KCNIP1: variants seen among roughly 807,000 people sequenced by gnomAD.
The protein encoded by KCNIP1 is potassium voltage-gated channel interacting protein 1.
Under a neutral mutation model 33.0 loss-of-function variants are expected in KCNIP1, and 18 were observed. That is an observed-to-expected ratio of 0.55 (90% CI 0.38 to 0.81). The LOEUF is 0.81. Among genes scored for constraint, KCNIP1 ranks in the 30% least tolerant of loss-of-function variants. The probability of loss-of-function intolerance (pLI) is 0.00; values close to 1 mark genes in which losing one functional copy is unlikely to be tolerated. For missense variants in KCNIP1, 238 were observed against 271.6 expected, an observed-to-expected ratio of 0.88 and a Z score of 0.87; for synonymous variants, 93 against 98.3, an observed-to-expected ratio of 0.95 and a Z score of 0.32.
intron 1 of KCNIP1, among the ~76,000 whole-genome samples, chr5:170,494,082 C>T (rs1561650683): frequency 6.6e-6 from 1 of 152,200 alleles, no homozygotes; most frequent in Non-Finnish European, 1.5e-5. Flanking sequence ...GTGAGAAGCC[C>T]CAGTCTCAGG....
chr5:170,635,756 A>G (rs1760255429), intron 1 of KCNIP1, among the ~76,000 whole-genome samples: 1 of 152,228 alleles, frequency 6.6e-6, no homozygotes, highest in South Asian at 2.1e-4. Flanking sequence ...ATTAGGAGCT[A>G]TTGGAGGGTA....
At chr5:170,433,581 T>A (rs1755792176) in intron 1 of KCNIP1, among the ~76,000 whole-genome samples, 1 of 152,098 alleles carries the variant, frequency 6.6e-6, no homozygotes, top group South Asian at 2.1e-4. Context: ...CAATAGCCAT[T>A]AATAGCTATT....
In KCNIP1 at chr5:170,734,037, ACTGTGAAGTCCACAGTTCCACTCCTCAAC is replaced by A. The variant is rs1764299904; in HGVS notation, c.603+143_603+171del. ...ATCAGAGCCAACAACACCAGCAACA[ACTGTGAAGTCCACAGTTCCACTCCTCAAC>A]CTGACCTGCAGTTGGTCTTGGCTAA... is the stretch of plus-strand genomic sequence containing the variant. On this transcript the variant is annotated intron_variant, in intron 7 of 7. Coordinates refer to ENST00000328939, the MANE Select transcript of KCNIP1 (RefSeq NM_014592.4). The A allele has an allele frequency of 1.1e-5, 7 of 641,842 alleles. No individual in the cohort carries two copies. In the South Asian group the frequency reaches 1.4e-4, roughly 12 times the overall value. The allele number at this position is 641,842 out of a possible 1,614,324, so 39.8% of individuals were successfully genotyped here.
intron 1 of KCNIP1, among the ~76,000 whole-genome samples, chr5:170,455,186 T>G (rs759947760): frequency 1.3e-5 from 2 of 151,872 alleles, no homozygotes; most frequent in Non-Finnish European, 2.9e-5. Context: ...AACAAGAAAA[T>G]AGAATATTTT....
At chr5:170,382,311 G>A (rs1764275242) in intron 1 of KCNIP1, among the ~76,000 whole-genome samples, 1 of 152,322 alleles carries the variant, frequency 6.6e-6, no homozygotes, top group South Asian at 2.1e-4. Context: ...ACCTTGATAT[G>A]TCTAGTGTTG....
intron 1 of KCNIP1, among the ~76,000 whole-genome samples, chr5:170,509,377 T>A (rs59034172): frequency 0.37 from 56,751 of 151,754 alleles, 11,241 homozygotes; most frequent in African/African-American, 0.51. Flanking sequence ...TGGAAAAGAA[T>A]GGAAGACAGA....
intron 1 of KCNIP1, among the ~76,000 whole-genome samples, chr5:170,357,954 G>A (rs1204137597): frequency 2.0e-5 from 3 of 152,168 alleles, no homozygotes; most frequent in East Asian, 1.9e-4. Flanking sequence ...CCAGGTCCTC[G>A]CCTGCTGTTT....
At chr5:170,379,157 C>G (rs1350687670) in intron 1 of KCNIP1, among the ~76,000 whole-genome samples, 1 of 152,186 alleles carries the variant, frequency 6.6e-6, no homozygotes, top group Non-Finnish European at 1.5e-5. Flanking sequence ...TCATTTGTGT[C>G]TTGTGTGTGG....
chr5:170,597,811 ATATATAT>A (rs1160039407), intron 1 of KCNIP1, among the ~76,000 whole-genome samples: 59 of 7,980 alleles, frequency 7.4e-3, no homozygotes, highest in African/African-American at 0.014. Flanking sequence ...ATATATATAT[ATATATAT>A]ATATATATAT....
At chr5:170,445,312 G>C (rs900896295) in intron 1 of KCNIP1, among the ~76,000 whole-genome samples, 2 of 152,186 alleles carry the variant, frequency 1.3e-5, no homozygotes, top group Non-Finnish European at 2.9e-5. Context: ...TTGAATGAAT[G>C]AATGAATAGA....
chr5:170,401,344 C>T (rs1754896476), intron 1 of KCNIP1, among the ~76,000 whole-genome samples: 1 of 152,210 alleles, frequency 6.6e-6, no homozygotes, highest in Non-Finnish European at 1.5e-5. Context: ...CATTTACACT[C>T]AGAGTGAATA....
At chr5:170,498,620 C>T (rs760738589) in intron 1 of KCNIP1, among the ~76,000 whole-genome samples, 5 of 152,176 alleles carry the variant, frequency 3.3e-5, no homozygotes, top group Admixed American at 6.5e-5. Context: ...ACTCTTGCCT[C>T]TTCTTGCTCA....
At chr5:170,639,616 A>G (rs1000470208) in intron 1 of KCNIP1, 2 of 152,240 alleles carry the variant, frequency 1.3e-5, no homozygotes, top group African/African-American at 4.8e-5. Flanking sequence ...GTGAATATCC[A>G]TACCCAGCAA....
chr5:170,733,772 G>A lies in KCNIP1; in HGVS notation c.541-64G>A. ...TACTCTGAGCTCCAGCAAGAAAGCAGGGGAGTAAGCTTTGGAATGGAGATC... is the reference window on the plus strand; with the variant it reads ...TACTCTGAGCTCCAGCAAGAAAGCAAGGGAGTAAGCTTTGGAATGGAGATC... On this transcript the variant is annotated intron_variant, in intron 6 of 7. Transcript: ENST00000328939. 2.3e-6 allele frequency: 3 copies of A among 1,331,604 alleles called. No individual in the cohort carries two copies. In the South Asian group the frequency reaches 3.6e-5, roughly 16 times the overall value. 82.5% of individuals were successfully genotyped at this position (1,331,604 alleles called of 1,614,324 possible). A position where few individuals can be genotyped will look rare whatever the true frequency, so the allele number is the denominator to read the frequency against.
intron 1 of KCNIP1, among the ~76,000 whole-genome samples, chr5:170,445,125 C>T (rs764646020): frequency 2.0e-5 from 3 of 152,208 alleles, no homozygotes; most frequent in Non-Finnish European, 4.4e-5. Context: ...TGTGCCTGGC[C>T]GTCACTGGCC....
At position 170,732,845 on chromosome 5, in the gene KCNIP1, T is replaced by C; in HGVS notation, c.481T>C (p.Tyr161His). The change falls in exon 6 of 8, where the codon TAC becomes CAC. Residue 161 changes from tyrosine (Y) to histidine (H), a missense_variant. Physicochemically the swap from Tyr to His is moderately conservative, Grantham distance 83. Transcript: ENST00000328939. The stretch of plus-strand genomic sequence containing the variant: ...AGCCATCTATGACATGATGGGGAAA[T>C]ACACATATCCTGTGCTCAAAGAGGA... Reference protein sequence around the residue: ...VKAIYDMMGKYTYPVLKEDTP... With the variant: ...VKAIYDMMGKHTYPVLKEDTP... 6.2e-7 allele frequency: 1 copy of C among 1,613,736 alleles called. No homozygotes were observed. Among genetic ancestry groups the C allele is most frequent in the Non-Finnish European group, 8.5e-7 (1 of 1,179,782 alleles).
intron 1 of KCNIP1, among the ~76,000 whole-genome samples, chr5:170,429,536 A>G (rs1755694380): frequency 6.6e-6 from 1 of 152,140 alleles, no homozygotes; most frequent in African/African-American, 2.4e-5. Flanking sequence ...GTAGTAGTGA[A>G]GTCAGGGCTT....
At chr5:170,732,531 A>AC (rs1764241781) in intron 5 of KCNIP1, among the ~76,000 whole-genome samples, 1 of 151,776 alleles carries the variant, frequency 6.6e-6, no homozygotes, top group Non-Finnish European at 1.5e-5. Flanking sequence ...CCCACAAATC[A>AC]CCCCCCACTG....
intron 1 of KCNIP1, among the ~76,000 whole-genome samples, chr5:170,624,899 T>G (rs1317239249): frequency 2.0e-5 from 3 of 152,190 alleles, no homozygotes; most frequent in Non-Finnish European, 2.9e-5. Context: ...TAGCTGGGCC[T>G]GTTGGTGACT....
Sources: gnomAD v4.1 joint callset for allele counts (sites outside exome capture counted in the v4.1 genomes callset) on GRCh38, gnomAD v4.1.1 for gene constraint, MANE v1.5 for transcripts, NCBI Gene and HGNC (gene_info 2026-07-23, HGNC 2026-07-21) for gene names.